LONP2: variants seen among roughly 807,000 people sequenced by gnomAD.
The protein encoded by LONP2 is lon peptidase 2, peroxisomal, also known as lon protease homolog 2, peroxisomal.
Under a neutral mutation model 85.6 loss-of-function variants are expected in LONP2, and 60 were observed. The ratio of observed to expected loss-of-function variants is 0.70; its 90% CI spans 0.57 to 0.87. The LOEUF (loss-of-function observed/expected upper bound fraction) is 0.87, where lower values mean the gene tolerates loss of function less well. Among genes scored for constraint, LONP2 ranks in the 40% least tolerant of loss-of-function variants. The pLI is 0.00. For synonymous variants in LONP2, 395 were observed against 389.7 expected, an observed-to-expected ratio of 1.01 and a Z score of -0.16; for missense variants, 860 against 1,063.5, an observed-to-expected ratio of 0.81 and a Z score of 2.66.
At chr16:48,301,575 C>T (rs149166608) in intron 10 of LONP2, among the ~76,000 whole-genome samples, 12 of 144,622 alleles carry the variant, frequency 8.3e-5, no homozygotes, top group East Asian at 2.5e-4. Context: ...GTGGAGGTTG[C>T]GGTGAGTTGA....
chr16:48,332,677 C>T (rs1344998491), intron 11 of LONP2, among the ~76,000 whole-genome samples: 8 of 151,820 alleles, frequency 5.3e-5, no homozygotes, highest in African/African-American at 1.5e-4. Flanking sequence ...TGGCACTACA[C>T]GCCCGCCTGG....
intron 12 of LONP2, chr16:48,336,471 A>C (rs1959653063): frequency 2.2e-6 from 1 of 455,894 alleles, no homozygotes; most frequent in Non-Finnish European, 4.4e-6. Context: ...TGTGTGAGCA[A>C]CAAGGCTGTT....
At chr16:48,338,113 CT>C (rs200066015) in intron 12 of LONP2, among the ~76,000 whole-genome samples, 1 of 151,860 alleles carries the variant, frequency 6.6e-6, no homozygotes, top group Non-Finnish European at 1.5e-5. Context: ...CAGCCGATAC[CT>C]TTTTTTTGTC....
At chr16:48,297,835 G>T (rs780595439) in intron 9 of LONP2, among the ~76,000 whole-genome samples, 12 of 152,052 alleles carry the variant, frequency 7.9e-5, no homozygotes, top group South Asian at 2.1e-4. Context: ...AAGTAGCTGG[G>T]ACTACAGGCG....
At chr16:48,287,637 G>A (rs1213848979) in intron 8 of LONP2, among the ~76,000 whole-genome samples, 1 of 152,168 alleles carries the variant, frequency 6.6e-6, no homozygotes, top group African/African-American at 2.4e-5. Flanking sequence ...GGATTGCTAG[G>A]CTACTGGTTT....
intron 12 of LONP2, among the ~76,000 whole-genome samples, chr16:48,342,523 G>A (rs992143440): frequency 3.9e-5 from 6 of 152,216 alleles, no homozygotes; most frequent in African/African-American, 7.2e-5. Context: ...ACAGGAATCC[G>A]TTGTGCCAAG....
Position 48,356,643 on chromosome 16 carries a change from TAAA to T in LONP2, c.*4845_*4847del. On this transcript the variant is annotated 3_prime_UTR_variant, in exon 15 of 15. Transcript: ENST00000285737. ...TGGATACCACAATGAAAACTGCACT[TAAA>T]AAACAAAAATGCTGAAAGAGGAAGG... 2 of 356,466 alleles carry T rather than the reference TAAA, an allele frequency of 5.6e-6. No homozygotes were observed. The highest frequency in any genetic ancestry group is 2.2e-5 in the South Asian group (1 of 45,392). 22.1% of individuals were successfully genotyped at this position (356,466 alleles called of 1,614,324 possible).
intron 9 of LONP2, among the ~76,000 whole-genome samples, chr16:48,298,225 G>T (rs1012923497): frequency 1.3e-5 from 2 of 152,194 alleles, no homozygotes; most frequent in South Asian, 4.1e-4. Context: ...AGCTTTCCTG[G>T]TGTTTACTAA....
chr16:48,343,000 C>G (rs1959859189), intron 12 of LONP2, among the ~76,000 whole-genome samples: 1 of 152,150 alleles, frequency 6.6e-6, no homozygotes, highest in African/African-American at 2.4e-5. Context: ...CTGGCAAACT[C>G]CCACTCATAT....
chr16:48,269,692 C>CT (rs202133183), intron 6 of LONP2, among the ~76,000 whole-genome samples: 12 of 151,870 alleles, frequency 7.9e-5, no homozygotes, highest in South Asian at 2.1e-4. Flanking sequence ...AAAAATCACC[C>CT]TTTTTTTTAA....
chr16:48,346,357 C>T (rs1959964624), intron 12 of LONP2, among the ~76,000 whole-genome samples: 1 of 152,164 alleles, frequency 6.6e-6, no homozygotes, highest in African/African-American at 2.4e-5. Context: ...GTTAACATTA[C>T]TGATTTTCCA....
At chr16:48,286,276 G>T (rs986833654) in intron 8 of LONP2, among the ~76,000 whole-genome samples, 2 of 151,588 alleles carry the variant, frequency 1.3e-5, no homozygotes, top group Non-Finnish European at 2.9e-5. Context: ...CAAGTAGCTG[G>T]GACTACAGGT....
chr16:48,261,508 AT>A lies in LONP2; in HGVS notation c.810del (p.Ile270MetfsTer4). The A allele has an allele frequency of 6.2e-7, 1 of 1,607,606 alleles. No individual in the cohort carries two copies. The highest frequency in any genetic ancestry group is 8.5e-7 in the Non-Finnish European group (1 of 1,176,700). On this transcript the variant is annotated frameshift_variant, in exon 5 of 15. Coordinates refer to ENST00000285737, the MANE Select transcript of LONP2 (RefSeq NM_031490.5). LOFTEE classifies it high-confidence loss of function. ...AGATGAAGATGAAGATAATGATGAC[AT>A]TGTCATGCTAGAGAAAAAAATACGA... is the stretch of plus-strand genomic sequence containing the variant. ...DEDEDEDNDD[I>X]VMLEKKIRTS...
chr16:48,318,468 G>A (rs781289944), intron 11 of LONP2, among the ~76,000 whole-genome samples: 2 of 151,592 alleles, frequency 1.3e-5, no homozygotes, highest in African/African-American at 4.9e-5. Flanking sequence ...GCAGTGAGCC[G>A]AGATCACACC....
chr16:48,258,780 A>G (rs754419083), intron 4 of LONP2, 40 bp downstream of exon 4: 1 of 1,556,210 alleles, frequency 6.4e-7, no homozygotes. Flanking sequence ...TTGAAAAAAA[A>G]ATAAGGAGAA....
intron 6 of LONP2, among the ~76,000 whole-genome samples, chr16:48,269,693 T>C (rs1972062124): frequency 6.6e-6 from 1 of 151,946 alleles, no homozygotes; most frequent in Admixed American, 6.6e-5. Context: ...AAAATCACCC[T>C]TTTTTTTAAA....
chr16:48,328,622 G>A (rs1026371894), intron 11 of LONP2, among the ~76,000 whole-genome samples: 1 of 147,690 alleles, frequency 6.8e-6, no homozygotes, highest in African/African-American at 2.5e-5. Context: ...AAGTTGCAGT[G>A]AGCCGAGATC....
intron 10 of LONP2, among the ~76,000 whole-genome samples, chr16:48,302,098 AG>A (rs1972819166): frequency 6.6e-6 from 1 of 152,340 alleles, no homozygotes; most frequent in East Asian, 1.9e-4. Context: ...CTAGATTCTT[AG>A]CTTTTTAAAG....
At chr16:48,357,943 AG>A (rs1960437188), downstream of LONP2, among the ~76,000 whole-genome samples, 1 of 152,232 alleles carries the variant, frequency 6.6e-6, no homozygotes, top group Non-Finnish European at 1.5e-5. Context: ...AGGGTATAAA[AG>A]CAATAGAACA....
Sources: gnomAD v4.1 joint callset for allele counts (sites outside exome capture counted in the v4.1 genomes callset) on GRCh38, gnomAD v4.1.1 for gene constraint, MANE v1.5 for transcripts, NCBI Gene and HGNC (gene_info 2026-07-23, HGNC 2026-07-21) for gene names.